ASS1: variants seen among roughly 807,000 people sequenced by gnomAD.
The protein encoded by ASS1 is argininosuccinate synthase.
ASS1 carries 58 observed loss-of-function variants against 60.5 expected under a neutral mutation model. The ratio of observed to expected loss-of-function variants is 0.96; its 90% CI spans 0.78 to 1.19. ASS1 has a LOEUF of 1.19. Ranked by LOEUF, ASS1 falls within the 50% of genes most tolerant of loss-of-function variation. The pLI is 0.00. For missense variants in ASS1, 454 were observed against 547.3 expected, an observed-to-expected ratio of 0.83 and a Z score of 1.70; for synonymous variants, 200 against 206.9, an observed-to-expected ratio of 0.97 and a Z score of 0.29.
intron 13 of ASS1, among the ~76,000 whole-genome samples, chr9:130,497,096 C>G (rs538252873): frequency 7.6e-4 from 116 of 152,352 alleles, no homozygotes; most frequent in African/African-American, 2.6e-3. Flanking sequence ...AAATTATCTT[C>G]TCTCTTTCTC....
intron 11 of ASS1, 69 bp downstream of exon 11, chr9:130,480,518 G>A (rs1342061103): frequency 6.5e-7 from 1 of 1,537,734 alleles, no homozygotes; most frequent in South Asian, 1.1e-5. Context: ...CTGAGACCCT[G>A]TCCCCTTTGG....
chr9:130,490,427 C>T (rs538616975), intron 12 of ASS1, among the ~76,000 whole-genome samples: 104 of 152,264 alleles, frequency 6.8e-4, no homozygotes, highest in African/African-American at 2.3e-3. Context: ...GATTCTCCTG[C>T]CTGAGCCTGC....
At position 130,464,158 on chromosome 9, in the gene ASS1, C is replaced by T. The variant is rs139250536; in HGVS notation, c.411C>T (p.Pro137=). The T allele has an allele frequency of 7.2e-5, 117 of 1,614,184 alleles. No homozygotes were observed. The African/African-American group carries it at 1.3e-3, about 18-fold the overall frequency. Residue 137 remains proline (P), a synonymous_variant, in exon 5 of 15, where the codon CCC becomes CCT. Coordinates refer to ENST00000352480, the MANE Select transcript of ASS1 (RefSeq NM_054012.4). ...AGCTCAGCTGCTACTCACTGGCCCC[C>T]CAGATAAAGGTAGGATGTGGCTCCT... ...RFELSCYSLA[P]QIKVIAPWRM... is the part of the protein sequence containing the mutation.
At position 130,489,869 on chromosome 9, in the gene ASS1, A is replaced by C. The variant is rs551841132; in HGVS notation, c.970+405A>C. ...TGTACACGAGGAAACTGAGGCTCAG[A>C]AGGAAAGCATAAAACCAGAAGTGGC... On this transcript the variant is annotated intron_variant, in intron 12 of 14. Coordinates refer to ENST00000352480, the MANE Select transcript of ASS1 (RefSeq NM_054012.4). This position sits in a 1 kb window ranked among gnomAD's most constrained non-coding sequence, Gnocchi z 4.1. Among the ~76,000 whole-genome samples, 1 of 152,374 alleles carries C rather than the reference A, an allele frequency of 6.6e-6. No individual in the cohort carries two copies. Among genetic ancestry groups the C allele is most frequent in the East Asian group, 1.9e-4 (1 of 5,194 alleles).
chr9:130,496,719 C>T (rs1302440783), intron 13 of ASS1, among the ~76,000 whole-genome samples: 3 of 151,926 alleles, frequency 2.0e-5, no homozygotes, highest in Non-Finnish European at 4.4e-5. Flanking sequence ...TGAGCCAGGG[C>T]AAAGGTGGCA....
At chr9:130,469,098 G>A (rs527977029) in intron 6 of ASS1, among the ~76,000 whole-genome samples, 4 of 152,308 alleles carry the variant, frequency 2.6e-5, no homozygotes, top group Admixed American at 6.5e-5. Flanking sequence ...GAGGCTCCAC[G>A]GAGCCTGGCC....
chr9:130,481,907 G>A (rs480313), intron 11 of ASS1, among the ~76,000 whole-genome samples: 1 of 151,994 alleles, frequency 6.6e-6, no homozygotes, highest in Non-Finnish European at 1.5e-5. Flanking sequence ...CTTTTTATCC[G>A]GGCTTACCTT....
At chr9:130,499,692 T>C in intron 14 of ASS1, 122 bp downstream of exon 14, 1 of 1,008,678 alleles carries the variant, frequency 9.9e-7, no homozygotes. Flanking sequence ...TGCCCTGCCC[T>C]GCCCTGCCCT....
intron 8 of ASS1, among the ~76,000 whole-genome samples, chr9:130,473,805 A>C (rs902196788): frequency 6.6e-6 from 1 of 152,200 alleles, no homozygotes; most frequent in African/African-American, 2.4e-5. Flanking sequence ...AATGCGAAGA[A>C]AGATAGAAAT....
rs2118880362 is a variant in ASS1, at chr9:130,494,959, A to G, written c.1063A>G (p.Lys355Glu). The G allele has an allele frequency of 1.2e-6, 2 of 1,613,676 alleles. No individual in the cohort carries two copies. The highest frequency in any genetic ancestry group is 4.5e-5 in the East Asian group (2 of 44,876). ...VEGKVQVSVL[K>E]GQVYILGRES... ...AGGGAAAGTGCAGGTGTCCGTCCTC[A>G]AGGGCCAGGTGTACATCCTCGGCCG... is the stretch of plus-strand genomic sequence containing the variant. Residue 355 changes from lysine (K) to glutamate (E), a missense_variant, in exon 13 of 15, where the codon AAG (lysine) becomes GAG (glutamate). By Grantham distance (56) the Lys-to-Glu change is moderately conservative. Transcript: ENST00000352480. The surrounding 1 kb of genome is among the most constrained non-coding windows in gnomAD (Gnocchi z 4.3).
At position 130,489,146 on chromosome 9, in the gene ASS1, G is replaced by A. The variant is rs1846382451; in HGVS notation, c.839-187G>A. On this transcript the variant is annotated intron_variant, in intron 11 of 14. Transcript: ENST00000352480. This position sits in a 1 kb window ranked among gnomAD's most constrained non-coding sequence, Gnocchi z 4.1. Reference sequence around the variant, plus strand: ...ACAAGCCGCAGAGTGGACTGTCGTGGCCCCAGCATGAACATAATGACAGAT... The same window carrying A: ...ACAAGCCGCAGAGTGGACTGTCGTGACCCCAGCATGAACATAATGACAGAT... 6.6e-6 allele frequency among the ~76,000 whole-genome samples: 1 copy of A among 152,108 alleles called. No homozygotes were observed. The highest frequency in any genetic ancestry group is 6.5e-5 in the Admixed American group (1 of 15,278).
At chr9:130,482,574 T>C (rs961816598) in intron 11 of ASS1, among the ~76,000 whole-genome samples, 2 of 151,616 alleles carry the variant, frequency 1.3e-5, no homozygotes, top group African/African-American at 4.9e-5. Flanking sequence ...AATGGCATCC[T>C]GTGGGGTGGG....
rs962700312 is a variant in ASS1 at position 130,453,266 on chromosome 9, G to C, written c.105+933G>C. The stretch of plus-strand genomic sequence containing the variant: ...ATGAGCCTACTCCTTCAGTGGGCGG[G>C]ATTTCTTCCTCTCCATCCCTGTGGA... On this transcript the variant is annotated intron_variant, in intron 2 of 14. Coordinates refer to ENST00000352480, the MANE Select transcript of ASS1 (RefSeq NM_054012.4). Among the ~76,000 whole-genome samples the C allele has an allele frequency of 4.3e-4, 65 of 152,250 alleles. 5 individuals carry two copies. Among genetic ancestry groups the C allele is most frequent in the Non-Finnish European group, 1.5e-5 (1 of 68,042 alleles).
In ASS1 at chr9:130,449,284, GGT is replaced by G. The variant is rs372713097; in HGVS notation, c.-5-2938_-5-2937del. On this transcript the variant is annotated intron_variant, in intron 1 of 14. Coordinates refer to ENST00000352480, the MANE Select transcript of ASS1 (RefSeq NM_054012.4). ...CTTGAGCCCAAGAGGTGGAGGCTGT[GGT>G]GAGCTGAGATTGCATCACTGCACTC... Among the ~76,000 whole-genome samples, 1,035 of 150,558 alleles carry G rather than the reference GGT, an allele frequency of 6.9e-3. 16 individuals are homozygous for G. Among genetic ancestry groups the G allele is most frequent in the African/African-American group, 0.024 (975 of 41,008 alleles).
In ASS1 at chr9:130,499,534, C is replaced by T. The variant is rs1486493080; in HGVS notation, c.1157C>T (p.Thr386Ile). 2 of 1,613,892 alleles carry T rather than the reference C, an allele frequency of 1.2e-6. No homozygotes were observed. Among genetic ancestry groups the T allele is most frequent in the Admixed American group, 3.3e-5 (2 of 60,000 alleles). ...SMNVQGDYEP[T>I]DATGFININS... ...AACGTGCAGGGTGATTATGAGCCAA[C>T]TGATGCCACCGGGTTCATCAACATC... Residue 386 changes from threonine (T) to isoleucine (I), a missense_variant, in exon 14 of 15, where the codon ACT (threonine) becomes ATT (isoleucine). By Grantham distance (89) the Thr-to-Ile change is moderately conservative. Transcript: ENST00000352480.
intron 5 of ASS1, 53 bp from the exon 6 acceptor site, chr9:130,466,672 G>A: frequency 1.3e-6 from 2 of 1,563,878 alleles, no homozygotes; most frequent in Admixed American, 3.3e-5. Flanking sequence ...TTACAGGCCA[G>A]GGGAAGCCCA....
At chr9:130,472,826 C>A (rs1336775951) in intron 8 of ASS1, among the ~76,000 whole-genome samples, 1 of 152,228 alleles carries the variant, frequency 6.6e-6, no homozygotes, top group African/African-American at 2.4e-5. Flanking sequence ...GGCATCCTCT[C>A]AGGCCCGTGG....
chr9:130,475,739 G>GTGTTTT (rs1845996918), intron 8 of ASS1, among the ~76,000 whole-genome samples: 1 of 142,042 alleles, frequency 7.0e-6, no homozygotes, highest in African/African-American at 2.6e-5. Context: ...TGTGTGCAAG[G>GTGTTTT]TGTTTTTTTT....
intron 4 of ASS1, among the ~76,000 whole-genome samples, chr9:130,461,101 C>G (rs895925494): frequency 1.3e-5 from 2 of 149,100 alleles, no homozygotes; most frequent in African/African-American, 5.0e-5. Flanking sequence ...GCATACAAGC[C>G]GAGGGCAGGG....
Sources: gnomAD v4.1 joint callset for allele counts (sites outside exome capture counted in the v4.1 genomes callset) on GRCh38, gnomAD v4.1.1 for gene constraint, Gnocchi (gnomAD v3.1) non-coding constraint, MANE v1.5 for transcripts, NCBI Gene and HGNC (gene_info 2026-07-23, HGNC 2026-07-21) for gene names.